Variants in STOX2 observed in about 807,000 individuals in gnomAD.
STOX2 encodes storkhead box 2.
STOX2 carries 28 observed loss-of-function variants against 60.9 expected under a neutral mutation model. The observed-to-expected ratio is 0.46, with a 90% CI of 0.34 to 0.63. The LOEUF is 0.63. Ranked by LOEUF, STOX2 falls within the 30% of genes least tolerant of loss-of-function variation. The pLI, the probability that STOX2 is intolerant of heterozygous loss-of-function variation, is 0.01. For synonymous variants in STOX2, 472 were observed against 463.9 expected (o/e 1.02, Z -0.22); for missense variants, 1,024 against 1,187.7 (o/e 0.86, Z 2.03).
At chr4:183,820,039 C>G (rs1372942525) in intron 1 of STOX2, among the ~76,000 whole-genome samples, 1 of 152,132 alleles carries the variant, frequency 6.6e-6, no homozygotes, top group Non-Finnish European at 1.5e-5. Flanking sequence ...CTTTTACTCT[C>G]TTTTTGAAGT....
chr4:183,830,163 TC>T (rs1268985502), intron 1 of STOX2, among the ~76,000 whole-genome samples: 9 of 152,188 alleles, frequency 5.9e-5, no homozygotes, highest in African/African-American at 2.2e-4. Flanking sequence ...TAATTTCACA[TC>T]CCCCCCAACA....
chr4:183,898,577 G>GA (rs113597600), intron 1 of STOX2, among the ~76,000 whole-genome samples: 2,730 of 152,224 alleles, frequency 0.018, 83 homozygotes, highest in African/African-American at 0.063. Flanking sequence ...ATAAAGCAGT[G>GA]AATGTTGTGG....
rs140929654 is a variant in STOX2, at chr4:184,020,921, A to G, written c.*3637A>G. Reference sequence around the variant, plus strand: ...AAATTACATTGCAGTCACCATGGGGAGAAGAAACCTGTTCAGTGGAAGCAG... The same window carrying G: ...AAATTACATTGCAGTCACCATGGGGGGAAGAAACCTGTTCAGTGGAAGCAG... On this transcript the variant is annotated 3_prime_UTR_variant, in exon 4 of 4. Transcript: ENST00000308497. The G allele has an allele frequency of 5.5e-4, 84 of 152,316 alleles. No homozygotes were observed. Among genetic ancestry groups the G allele is most frequent in the African/African-American group, 2.0e-3 (83 of 41,558 alleles). 9.4% of individuals were successfully genotyped at this position (152,316 alleles called of 1,614,324 possible).
At position 183,976,268 on chromosome 4, in the gene STOX2, C is replaced by G. The variant is rs544626155; in HGVS notation, c.167-25057C>G. 2.0e-5 allele frequency among the ~76,000 whole-genome samples: 3 copies of G among 152,132 alleles called. No homozygotes were observed. In the South Asian group the frequency reaches 6.2e-4, roughly 32 times the overall value. On this transcript the variant is annotated intron_variant, in intron 1 of 3. Transcript: ENST00000308497. Reference sequence around the variant, plus strand: ...TGGAGGTTGCAGTGAGCCAAGATTGCGCCACTGCACTCCAGCCTGGGCAAC... The same window carrying G: ...TGGAGGTTGCAGTGAGCCAAGATTGGGCCACTGCACTCCAGCCTGGGCAAC...
At chr4:183,929,122 A>G (rs1390999843) in intron 1 of STOX2, among the ~76,000 whole-genome samples, 5 of 152,198 alleles carry the variant, frequency 3.3e-5, no homozygotes, top group African/African-American at 4.8e-5. Context: ...ATTTTTAGTT[A>G]TTGGGAAAAT....
chr4:183,908,599 T>TTTTG (rs1339731024), intron 1 of STOX2, among the ~76,000 whole-genome samples: 2 of 151,600 alleles, frequency 1.3e-5, no homozygotes, highest in Non-Finnish European at 2.9e-5. Context: ...CCAGTTTTTT[T>TTTTG]TTTTTTTTTT....
intron 1 of STOX2, among the ~76,000 whole-genome samples, chr4:183,968,094 C>T (rs1349065379): frequency 2.0e-5 from 3 of 152,228 alleles, no homozygotes; most frequent in Admixed American, 1.3e-4. Flanking sequence ...GGGGAATGGC[C>T]TCAGGATGTG....
At chr4:183,986,590 G>A (rs1473041519) in intron 1 of STOX2, among the ~76,000 whole-genome samples, 1 of 152,270 alleles carries the variant, frequency 6.6e-6, no homozygotes, top group Non-Finnish European at 1.5e-5. Flanking sequence ...CCTGCTGAGT[G>A]TCCCAGACTC....
At chr4:183,898,973 C>T (rs1741402533) in intron 1 of STOX2, among the ~76,000 whole-genome samples, 1 of 152,182 alleles carries the variant, frequency 6.6e-6, no homozygotes, top group South Asian at 2.1e-4. Context: ...TCTATGGGCG[C>T]CATTTTTCCA....
chr4:183,917,328 G>A (rs548283039), intron 1 of STOX2, among the ~76,000 whole-genome samples: 1 of 152,236 alleles, frequency 6.6e-6, no homozygotes, highest in Non-Finnish European at 1.5e-5. Context: ...AACTGGGGTA[G>A]TTTAGCTGTA....
intron 1 of STOX2, among the ~76,000 whole-genome samples, chr4:183,974,719 T>C (rs1299103741): frequency 1.3e-5 from 2 of 152,026 alleles, no homozygotes; most frequent in Non-Finnish European, 2.9e-5. Context: ...TGAAACAGAA[T>C]AGAACTGAAA....
At chr4:183,881,419 T>A (rs1373526990) in intron 1 of STOX2, among the ~76,000 whole-genome samples, 1 of 152,212 alleles carries the variant, frequency 6.6e-6, no homozygotes, top group Admixed American at 6.5e-5. Context: ...GGAGAATCAC[T>A]TGAACCTGGG....
intron 1 of STOX2, among the ~76,000 whole-genome samples, chr4:183,960,839 T>C (rs562787398): frequency 2.0e-5 from 3 of 152,216 alleles, no homozygotes; most frequent in African/African-American, 7.2e-5. Context: ...TAATATCTGA[T>C]TGCTCCAAAA....
At chr4:183,846,819 G>A (rs1397047044) in intron 1 of STOX2, among the ~76,000 whole-genome samples, 1 of 151,618 alleles carries the variant, frequency 6.6e-6, no homozygotes, top group Non-Finnish European at 1.5e-5. Flanking sequence ...ATACTTTCTT[G>A]CATGCCTTGT....
upstream of STOX2, among the ~76,000 whole-genome samples, chr4:183,904,121 T>C (rs888010860): frequency 6.6e-6 from 1 of 152,194 alleles, no homozygotes; most frequent in Non-Finnish European, 1.5e-5. Context: ...ATAGGGTTCG[T>C]GCTCCTGTGA....
intron 1 of STOX2, among the ~76,000 whole-genome samples, chr4:183,879,688 G>C (rs1740910775): frequency 6.6e-6 from 1 of 152,138 alleles, no homozygotes; most frequent in African/African-American, 2.4e-5. Flanking sequence ...GATTTAGGGG[G>C]CTCAAGTGGC....
Position 184,017,246 on chromosome 4 carries a change from C to T in STOX2, c.2743C>T (p.Pro915Ser), listed in dbSNP as rs1464072893. The stretch of plus-strand genomic sequence containing the variant: ...AAATGAAGCTGAGAAGCTACAGAAA[C>T]CTTCCAACTGCTTGCAAGCTTCTGT... ...PTNEAEKLQK[P>S]SNCLQASVTS... Residue 915 changes from proline (P) to serine (S), a missense_variant, in exon 4 of 4, where the codon CCT becomes TCT. By Grantham distance (74) the Pro-to-Ser change is moderately conservative (BLOSUM62 -1). Coordinates refer to ENST00000308497, the MANE Select transcript of STOX2 (RefSeq NM_020225.3). 2.5e-6 allele frequency: 4 copies of T among 1,604,798 alleles called. No individual in the cohort carries two copies. The highest frequency in any genetic ancestry group is 2.6e-6 in the Non-Finnish European group (3 of 1,175,530).
intron 2 of STOX2, among the ~76,000 whole-genome samples, chr4:184,002,970 G>A (rs1733661583): frequency 6.6e-6 from 1 of 152,212 alleles, no homozygotes; most frequent in African/African-American, 2.4e-5. Flanking sequence ...ATTATTTTAA[G>A]ATTTCTAGCA....
intron 1 of STOX2, among the ~76,000 whole-genome samples, chr4:183,950,045 A>G (rs1041136961): frequency 3.3e-5 from 5 of 152,252 alleles, no homozygotes; most frequent in African/African-American, 1.2e-4. Flanking sequence ...ACTATTGTAC[A>G]GCATTTTTAT....
Sources: allele counts gnomAD v4.1 joint callset (sites outside exome capture counted in the v4.1 genomes callset), GRCh38; gene constraint gnomAD v4.1.1; transcripts MANE v1.5; gene names NCBI Gene and HGNC (gene_info 2026-07-23, HGNC 2026-07-21).